Variants in TMLHE observed in about 807,000 individuals in gnomAD.
The protein encoded by TMLHE is trimethyllysine dioxygenase, mitochondrial.
Under a neutral mutation model 25.7 loss-of-function variants are expected in TMLHE, and 18 were observed. The observed-to-expected ratio is 0.70, with a 90% CI of 0.48 to 1.04. TMLHE has a LOEUF of 1.04. Among genes scored for constraint, TMLHE ranks in the 50% least tolerant of loss-of-function variants. TMLHE has a pLI of 0.00. For synonymous variants in TMLHE, 105 were observed against 97.0 expected, an observed-to-expected ratio of 1.08 and a Z score of -0.49; for missense variants, 236 against 259.0, an observed-to-expected ratio of 0.91 and a Z score of 0.61.
intron 1 of TMLHE, among the ~76,000 whole-genome samples, chrX:155,549,423 A>G (rs2067396229): frequency 9.1e-6 from 1 of 110,045 alleles, no homozygotes; most frequent in Admixed American, 9.6e-5. Flanking sequence ...TAGTTTTCTG[A>G]GAGTATTTAT....
intron 1 of TMLHE, among the ~76,000 whole-genome samples, chrX:155,566,717 G>A (rs782334803): frequency 1.6e-5 from 1 of 61,579 alleles, no homozygotes; most frequent in South Asian, 9.9e-4. Flanking sequence ...GTGACTAAAA[G>A]AGACACACTA....
rs1430863984 is a variant in TMLHE, at chrX:155,489,997, G to A, written c.*1538C>T. Reference sequence around the variant, plus strand: ...TTCTACAGTGGTCAATGTGGTTATTGTACAGCTTCACTTTCAATGAAAGCT... The same window carrying A: ...TTCTACAGTGGTCAATGTGGTTATTATACAGCTTCACTTTCAATGAAAGCT... On this transcript the variant is annotated 3_prime_UTR_variant, in exon 8 of 8. Coordinates refer to ENST00000334398, the MANE Select transcript of TMLHE (RefSeq NM_018196.4). 6.1e-5 allele frequency: 2 copies of A among 32,679 alleles called. No homozygotes were observed. Among genetic ancestry groups the A allele is most frequent in the Admixed American group, 4.9e-4 (1 of 2,033 alleles). The allele number at this position is 32,679 out of a possible 1,213,427, so 2.7% of individuals were successfully genotyped here.
intron 1 of TMLHE, among the ~76,000 whole-genome samples, chrX:155,551,223 T>A (rs1203700457): frequency 1.8e-5 from 2 of 110,986 alleles, no homozygotes; most frequent in Non-Finnish European, 3.8e-5. Context: ...TCTTTTTTTT[T>A]ATTATACTAA....
chrX:155,541,130 G>T (rs1557338139), intron 2 of TMLHE, among the ~76,000 whole-genome samples: 1 of 110,347 alleles, frequency 9.1e-6, no homozygotes, highest in African/African-American at 3.3e-5. Flanking sequence ...ATGAGCCATG[G>T]TGGTTTGCTG....
At chrX:155,510,945 A>C (rs782617825) in intron 5 of TMLHE, among the ~76,000 whole-genome samples, 86 of 109,382 alleles carry the variant, frequency 7.9e-4, no homozygotes, top group African/African-American at 2.7e-3. Flanking sequence ...TGCCATTCTA[A>C]CTGGTGTGAG....
In TMLHE at chrX:155,596,931, G is replaced by T. The variant is rs1321012595; in HGVS notation, c.-2+15861C>A. On this transcript the variant is annotated intron_variant, in intron 1 of 7. Transcript: ENST00000334398. ...TTAGGGTACATGTGCATAATGTGCA[G>T]GTTTGTTACATATGTATACATGTGC... Among the ~76,000 whole-genome samples the T allele has an allele frequency of 2.8e-5, 3 of 109,091 alleles. No homozygotes were observed. In the East Asian group the frequency reaches 8.7e-4, roughly 32 times the overall value. 94.7% of individuals were successfully genotyped at this position (109,091 alleles called of 115,157 possible).
Position 155,585,486 on chromosome X carries a change from T to C in TMLHE, c.-2+27306A>G, listed in dbSNP as rs1350434991. On this transcript the variant is annotated intron_variant, in intron 1 of 7. Transcript: ENST00000334398. Reference sequence around the variant, plus strand: ...ATGCTTTATGAATCTGTGTGCTCCATGAAAATAAACAAAATGTTTTGTATG... The same window carrying C: ...ATGCTTTATGAATCTGTGTGCTCCACGAAAATAAACAAAATGTTTTGTATG... 3.7e-5 allele frequency among the ~76,000 whole-genome samples: 4 copies of C among 109,299 alleles called. No individual in the cohort carries two copies. In the Admixed American group the frequency reaches 3.9e-4, roughly 11 times the overall value. 94.9% of individuals were successfully genotyped at this position (109,299 alleles called of 115,157 possible). A position where few individuals can be genotyped will look rare whatever the true frequency, so the allele number is the denominator to read the frequency against.
intron 2 of TMLHE, among the ~76,000 whole-genome samples, chrX:155,538,381 C>T (rs782783585): frequency 1.8e-5 from 2 of 111,786 alleles, no homozygotes; most frequent in Middle Eastern, 4.6e-3. Flanking sequence ...CATTGATGGA[C>T]GCTTATGATG....
chrX:155,511,371 A>G (rs915687943), intron 5 of TMLHE, among the ~76,000 whole-genome samples: 17 of 110,256 alleles, frequency 1.5e-4, no homozygotes, highest in African/African-American at 5.6e-4. Context: ...CCCCAGAAGA[A>G]GATGCTGCTA....
chrX:155,597,569 C>G (rs1381050076), intron 1 of TMLHE, among the ~76,000 whole-genome samples: 2 of 111,747 alleles, frequency 1.8e-5, no homozygotes, highest in African/African-American at 6.5e-5. Flanking sequence ...TGGCACTATT[C>G]ACAATAGCAA....
At chrX:155,577,404 C>G (rs2067597615) in intron 1 of TMLHE, among the ~76,000 whole-genome samples, 1 of 109,692 alleles carries the variant, frequency 9.1e-6, no homozygotes, top group Non-Finnish European at 1.9e-5. Flanking sequence ...ATGGTGAAAC[C>G]CCATCTCTAC....
At position 155,548,871 on chromosome X, in the gene TMLHE, T is replaced by C. The variant is rs140783245; in HGVS notation, c.-1-3594A>G. Among the ~76,000 whole-genome samples the C allele has an allele frequency of 3.8e-3, 419 of 110,952 alleles. 14 individuals are homozygous for C. Among genetic ancestry groups the C allele is most frequent in the African/African-American group, 0.013 (402 of 29,947 alleles). On this transcript the variant is annotated intron_variant, in intron 1 of 7. Transcript: ENST00000334398. ...ATTCATGAAGAGATGTTCAACCTCA[T>C]TAATGATTAGGGAATTGTAATCTAG...
At chrX:155,542,135 A>G (rs1236438465) in intron 2 of TMLHE, among the ~76,000 whole-genome samples, 3 of 110,966 alleles carry the variant, frequency 2.7e-5, no homozygotes, top group African/African-American at 9.8e-5. Flanking sequence ...TATGTCCTGA[A>G]TGGTATTGCC....
chrX:155,587,346 G>C (rs1024995200), intron 1 of TMLHE, among the ~76,000 whole-genome samples: 3 of 111,360 alleles, frequency 2.7e-5, no homozygotes, highest in Admixed American at 1.9e-4. Context: ...CAACAAACTA[G>C]TATAGAAGGA....
rs1557336224 is a variant in TMLHE, at chrX:155,524,541, G to A, written c.273C>T (p.His91=). ...CACTGGCAGTATCCAGGCTGCGCTG[G>A]TGAGTCTTAGAGTTGTAGCACGATG... ...RSASCYNSKT[H]QRSLDTASVD... The change falls in exon 3 of 8, where the codon CAC becomes CAT. Residue 91 remains histidine, a synonymous_variant. Coordinates refer to ENST00000334398, the MANE Select transcript of TMLHE (RefSeq NM_018196.4). 1 of 1,209,815 alleles carries A rather than the reference G, an allele frequency of 8.3e-7. No individual in the cohort carries two copies. Among genetic ancestry groups the A allele is most frequent in the African/African-American group, 1.7e-5 (1 of 57,832 alleles).
At chrX:155,555,138 T>C (rs1211281964) in intron 1 of TMLHE, among the ~76,000 whole-genome samples, 2 of 108,751 alleles carry the variant, frequency 1.8e-5, no homozygotes, top group African/African-American at 6.7e-5. Context: ...GGTGTTGGTT[T>C]TCTGTCCTTT....
intron 1 of TMLHE, among the ~76,000 whole-genome samples, chrX:155,548,654 G>T (rs782743208): frequency 9.2e-6 from 1 of 108,321 alleles, no homozygotes; most frequent in Non-Finnish European, 1.9e-5. Context: ...AGAATCGCTT[G>T]AACCCAGGAG....
At chrX:155,518,479 C>G (rs1455673569) in intron 3 of TMLHE, among the ~76,000 whole-genome samples, 1 of 94,597 alleles carries the variant, frequency 1.1e-5, no homozygotes, top group East Asian at 3.5e-4. Flanking sequence ...GTCTAAAATT[C>G]TCTTTTTTGG....
At chrX:155,578,555 C>T (rs1275563305) in intron 1 of TMLHE, among the ~76,000 whole-genome samples, 3 of 112,042 alleles carry the variant, frequency 2.7e-5, no homozygotes, top group African/African-American at 6.5e-5. Context: ...ATTGCTGCCA[C>T]GGCAAAGACG....
Sources: gnomAD v4.1 joint callset for allele counts (sites outside exome capture counted in the v4.1 genomes callset) on GRCh38, gnomAD v4.1.1 for gene constraint, MANE v1.5 for transcripts, NCBI Gene and HGNC (gene_info 2026-07-23, HGNC 2026-07-21) for gene names.